STK32B: variants seen among roughly 807,000 people sequenced by gnomAD.
The protein encoded by STK32B is serine/threonine kinase 32B.
STK32B carries 43 observed loss-of-function variants against 52.6 expected under a neutral mutation model. The observed-to-expected ratio is 0.82, with a 90% CI of 0.64 to 1.05. The LOEUF (loss-of-function observed/expected upper bound fraction) is 1.05, where lower values mean the gene tolerates loss of function less well. Among genes scored for constraint, STK32B ranks in the 50% least tolerant of loss-of-function variants. STK32B has a pLI of 0.00. For missense variants in STK32B, 621 were observed against 534.6 expected (o/e 1.16, Z -1.59); for synonymous variants, 238 against 204.3 (o/e 1.17, Z -1.41).
At chr4:5,241,931 A>G (rs1383743274) in intron 3 of STK32B, among the ~76,000 whole-genome samples, 2 of 152,168 alleles carry the variant, frequency 1.3e-5, no homozygotes, top group African/African-American at 4.8e-5. Context: ...GCTGCATAGT[A>G]TTCCATGGTG....
At chr4:5,471,269 G>C (rs1167670045) in intron 11 of STK32B, among the ~76,000 whole-genome samples, 6 of 152,144 alleles carry the variant, frequency 3.9e-5, no homozygotes, top group Non-Finnish European at 7.3e-5. Flanking sequence ...AAATAGGGTG[G>C]GTGCAGATGT....
At position 5,405,993 on chromosome 4, in the gene STK32B, T is replaced by C. The variant is rs572958139; in HGVS notation, c.472+7749T>C. The stretch of plus-strand genomic sequence containing the variant: ...TAACTCAAAAGTCCAAAGTCTCATC[T>C]GAGACAATACCAGTAACTTCCACCT... On this transcript the variant is annotated intron_variant, in intron 5 of 11. Transcript: ENST00000282908. 3.3e-4 allele frequency among the ~76,000 whole-genome samples: 51 copies of C among 152,314 alleles called. 1 individual carries two copies. The South Asian group carries it at 9.5e-3, about 28-fold the overall frequency.
At chr4:5,041,804 CTT>C in the STK32B span, among the ~76,000 whole-genome samples, 135 of 149,696 alleles carry the variant, frequency 9.0e-4, no homozygotes, top group Non-Finnish European at 1.2e-3. Context: ...CAGCCTTTAT[CTT>C]TTTTTTTTTC....
chr4:5,069,332 C>CT (rs2108765654), intron 1 of STK32B, among the ~76,000 whole-genome samples: 1 of 151,912 alleles, frequency 6.6e-6, no homozygotes, highest in African/African-American at 2.4e-5. Context: ...CCCACACTTT[C>CT]TTTTTGACAC....
chr4:5,138,734 A>G (rs1716227271), intron 1 of STK32B, among the ~76,000 whole-genome samples: 1 of 152,218 alleles, frequency 6.6e-6, no homozygotes, highest in Non-Finnish European at 1.5e-5. Context: ...CCACAGTGCC[A>G]TGAGAATGTA....
chr4:5,307,627 T>G (rs1195201679), intron 3 of STK32B, among the ~76,000 whole-genome samples: 1 of 152,026 alleles, frequency 6.6e-6, no homozygotes, highest in African/African-American at 2.4e-5. Context: ...TGCTGAATCC[T>G]TCTTCTGGCA....
At chr4:5,336,398 A>G (rs1385289274) in intron 4 of STK32B, among the ~76,000 whole-genome samples, 1 of 152,126 alleles carries the variant, frequency 6.6e-6, no homozygotes, top group Non-Finnish European at 1.5e-5. Context: ...TCAGACATCC[A>G]GGGAAATCTT....
At chr4:5,456,006 G>T (rs1716479490) in intron 7 of STK32B, among the ~76,000 whole-genome samples, 2 of 152,072 alleles carry the variant, frequency 1.3e-5, no homozygotes, top group South Asian at 2.1e-4. Flanking sequence ...ATCTTGGACC[G>T]CAGTTCAGCT....
intron 4 of STK32B, among the ~76,000 whole-genome samples, chr4:5,341,119 C>T (rs1306580871): frequency 6.6e-6 from 1 of 152,192 alleles, no homozygotes; most frequent in African/African-American, 2.4e-5. Context: ...TGAGTGCCTG[C>T]ATATATTAAC....
intron 6 of STK32B, 75 bp from the exon 7 acceptor site, chr4:5,446,598 C>G: frequency 7.7e-7 from 1 of 1,291,126 alleles, no homozygotes; most frequent in Non-Finnish European, 1.1e-6. Context: ...AATTTCTCTC[C>G]TTGTCCCCTC....
intron 1 of STK32B, among the ~76,000 whole-genome samples, chr4:5,083,395 G>T (rs1712543520): frequency 6.6e-6 from 1 of 152,010 alleles, no homozygotes; most frequent in Admixed American, 6.6e-5. Context: ...TTTCATCTTT[G>T]GCTCATTCAC....
intron 3 of STK32B, among the ~76,000 whole-genome samples, chr4:5,265,554 G>A (rs1231794921): frequency 6.6e-6 from 1 of 152,200 alleles, no homozygotes; most frequent in Non-Finnish European, 1.5e-5. Context: ...CACATTTGCT[G>A]TAGAGAACTA....
At chr4:5,451,271 C>T (rs1715969836) in intron 7 of STK32B, among the ~76,000 whole-genome samples, 1 of 152,124 alleles carries the variant, frequency 6.6e-6, no homozygotes, top group Non-Finnish European at 1.5e-5. Context: ...AGTTCGGTCA[C>T]ATATGAATGG....
At chr4:5,303,277 G>T (rs9685741) in intron 3 of STK32B, among the ~76,000 whole-genome samples, 1 of 151,976 alleles carries the variant, frequency 6.6e-6, no homozygotes, top group Non-Finnish European at 1.5e-5. Context: ...CATACTGGTT[G>T]TAGTAGTTTT....
the STK32B span, among the ~76,000 whole-genome samples, chr4:5,019,743 C>T: frequency 7.3e-3 from 1,105 of 150,704 alleles, 13 homozygotes; most frequent in African/African-American, 0.026. Flanking sequence ...CCTGAAAAGG[C>T]AGGAACAGCA....
chr4:5,462,456 C>T (rs916895767), intron 9 of STK32B, among the ~76,000 whole-genome samples: 7 of 151,966 alleles, frequency 4.6e-5, no homozygotes, highest in Admixed American at 2.0e-4. Context: ...GGGGCAGCTG[C>T]GGGGGCAATG....
chr4:5,040,685 G>C, the STK32B span, among the ~76,000 whole-genome samples: 4 of 152,094 alleles, frequency 2.6e-5, no homozygotes, highest in African/African-American at 9.7e-5. Flanking sequence ...ACTGCGCCCG[G>C]CCAAGCAGTA....
chr4:5,234,977 T>G (rs191019140), intron 3 of STK32B, among the ~76,000 whole-genome samples: 13 of 152,354 alleles, frequency 8.5e-5, no homozygotes, highest in Admixed American at 8.5e-4. Flanking sequence ...CTGAGAACTT[T>G]CCATAAACCA....
At chr4:5,295,662 CTT>C (rs1420416544) in intron 3 of STK32B, among the ~76,000 whole-genome samples, 1 of 151,994 alleles carries the variant, frequency 6.6e-6, no homozygotes, top group Admixed American at 6.6e-5. Flanking sequence ...ATTCTTCTCT[CTT>C]TTCCTCTTCA....
Sources: allele counts gnomAD v4.1 joint callset (sites outside exome capture counted in the v4.1 genomes callset), GRCh38; gene constraint gnomAD v4.1.1; transcripts MANE v1.5; gene names NCBI Gene and HGNC (gene_info 2026-07-23, HGNC 2026-07-21).